Variants in SGCE observed in about 807,000 individuals in gnomAD.
SGCE encodes the protein epsilon-sarcoglycan.
Under a neutral mutation model 57.8 loss-of-function variants are expected in SGCE, and 26 were observed. The ratio of observed to expected loss-of-function variants is 0.45; its 90% CI spans 0.33 to 0.62. The LOEUF is 0.62. SGCE is among the 20% of genes least tolerant of loss of function. The probability of loss-of-function intolerance (pLI) is 0.02; values close to 1 mark genes in which losing one functional copy is unlikely to be tolerated. For synonymous variants in SGCE, 183 were observed against 189.5 expected, an observed-to-expected ratio of 0.97 and a Z score of 0.28; for missense variants, 468 against 548.6, an observed-to-expected ratio of 0.85 and a Z score of 1.47.
At chr7:94,644,529 ATAACT>A (rs1445693188) in intron 1 of SGCE, 7 of 528,514 alleles carry the variant, frequency 1.3e-5, no homozygotes, top group Admixed American at 9.0e-5. Context: ...ATAATAAATA[ATAACT>A]TATTCAGACA....
At chr7:94,610,969 G>A (rs770925460) in intron 5 of SGCE, among the ~76,000 whole-genome samples, 2 of 152,104 alleles carry the variant, frequency 1.3e-5, no homozygotes, top group African/African-American at 2.4e-5. Context: ...CTTTCACTAG[G>A]ATGGCTATAA....
At chr7:94,608,939 G>A (rs1273485607) in intron 5 of SGCE, among the ~76,000 whole-genome samples, 1 of 152,112 alleles carries the variant, frequency 6.6e-6, no homozygotes, top group Non-Finnish European at 1.5e-5. Flanking sequence ...AGGTCTACAT[G>A]CAAAATGCAA....
intron 1 of SGCE, among the ~76,000 whole-genome samples, chr7:94,635,684 A>T (rs971381070): frequency 6.6e-6 from 1 of 152,204 alleles, no homozygotes; most frequent in African/African-American, 2.4e-5. Flanking sequence ...AGTCAAATTG[A>T]AATTTAATTA....
chr7:94,641,377 T>A (rs1432831363), intron 1 of SGCE, among the ~76,000 whole-genome samples: 2 of 152,180 alleles, frequency 1.3e-5, no homozygotes, highest in South Asian at 2.1e-4. Flanking sequence ...AGCAAAAAGA[T>A]CAAATGATAG....
In SGCE at chr7:94,598,822, G is replaced by A. The variant is rs758680153; in HGVS notation, c.1206C>T (p.His402=). The A allele has an allele frequency of 2.5e-6, 4 of 1,613,348 alleles. No homozygotes were observed. The South Asian group carries it at 4.4e-5, about 18-fold the overall frequency. Residue 402 remains histidine, a synonymous_variant, in exon 9 of 11, where the codon CAC becomes CAT. Transcript: ENST00000648936. ...PVTGEIIPPL[H]TDNYDSTNMP... ...TGTTTGTGCTATCATAGTTGTCTGT[G>A]TGTAAAGGAGGTATGATTTCCCCAG...
At chr7:94,624,261 G>T in intron 3 of SGCE, 1 of 396,492 alleles carries the variant, frequency 2.5e-6, no homozygotes, top group Non-Finnish European at 4.4e-6. Context: ...TGAGACAAAA[G>T]AGTAGGATAA....
At chr7:94,619,016 C>A (rs1802362614) in intron 4 of SGCE, 60 bp from the exon 5 acceptor site, 2 of 1,221,184 alleles carry the variant, frequency 1.6e-6, no homozygotes, top group East Asian at 4.7e-5. Flanking sequence ...AAAAAGGAAA[C>A]AAAAGAACAA....
At chr7:94,631,694 G>T (rs1804754292) in intron 1 of SGCE, among the ~76,000 whole-genome samples, 1 of 151,730 alleles carries the variant, frequency 6.6e-6, no homozygotes, top group African/African-American at 2.4e-5. Context: ...TGGATCCTGG[G>T]GTAAATTTAA....
chr7:94,623,747 AC>A (rs1803212957), intron 3 of SGCE: 1 of 396,052 alleles, frequency 2.5e-6, no homozygotes, highest in South Asian at 1.3e-4. Flanking sequence ...CAAAAAAAAA[AC>A]AATAATTTTT....
At chr7:94,604,467 T>G (rs1431265542) in intron 5 of SGCE, among the ~76,000 whole-genome samples, 1 of 151,180 alleles carries the variant, frequency 6.6e-6, no homozygotes, top group Non-Finnish European at 1.5e-5. Flanking sequence ...TTTGGAAAAC[T>G]CACAATTCCC....
chr7:94,639,272 AAG>A (rs879352890), intron 1 of SGCE: 3 of 960,134 alleles, frequency 3.1e-6, no homozygotes, highest in Non-Finnish European at 4.7e-6. Flanking sequence ...TAAAAAAGGG[AAG>A]AGACTATTGG....
intron 10 of SGCE, chr7:94,586,953 A>C: frequency 2.1e-6 from 2 of 974,896 alleles, no homozygotes; most frequent in Non-Finnish European, 2.4e-6. Flanking sequence ...CCAAGAGGAG[A>C]TACTGTACTT....
chr7:94,599,070 G>T, intron 8 of SGCE, 107 bp from the exon 9 acceptor site: 2 of 787,178 alleles, frequency 2.5e-6, no homozygotes, highest in Non-Finnish European at 2.1e-6. Context: ...AAAATAATAA[G>T]ACATTATGGC....
intron 1 of SGCE, among the ~76,000 whole-genome samples, chr7:94,634,194 A>G (rs1325340981): frequency 1.3e-5 from 2 of 152,120 alleles, no homozygotes; most frequent in African/African-American, 2.4e-5. Context: ...TCATTTTCTA[A>G]TTTTTAAGGT....
chr7:94,598,587 T>C (rs2116670753), intron 9 of SGCE, 188 bp downstream of exon 9: 1 of 608,096 alleles, frequency 1.6e-6, no homozygotes, highest in Non-Finnish European at 2.9e-6. Flanking sequence ...GGAAAAAAAG[T>C]GCATTTCCTA....
intron 1 of SGCE, among the ~76,000 whole-genome samples, chr7:94,635,335 A>C (rs1158577676): frequency 6.6e-6 from 1 of 152,202 alleles, no homozygotes; most frequent in Non-Finnish European, 1.5e-5. Flanking sequence ...ATGATTAAGA[A>C]GGTTTTAAGG....
chr7:94,607,216 G>C (rs1800287317), intron 5 of SGCE, among the ~76,000 whole-genome samples: 1 of 152,064 alleles, frequency 6.6e-6, no homozygotes, highest in Non-Finnish European at 1.5e-5. Context: ...AATTCTACTA[G>C]ACATTTAAGG....
In SGCE at chr7:94,585,261, T is replaced by C; in HGVS notation, c.*238A>G. 1 of 458,260 alleles carries C rather than the reference T, an allele frequency of 2.2e-6. No homozygotes were observed. Among genetic ancestry groups the C allele is most frequent in the Non-Finnish European group, 3.9e-6 (1 of 257,218 alleles). 28.4% of individuals were successfully genotyped at this position (458,260 alleles called of 1,614,324 possible). ...AATAATATTTATTTTAAAGATCAAC[T>C]TTTATTGTAACAAATATAAAGTCAT... On this transcript the variant is annotated 3_prime_UTR_variant, in exon 11 of 11. Coordinates refer to ENST00000648936, the MANE Select transcript of SGCE (RefSeq NM_003919.3).
intron 5 of SGCE, chr7:94,617,435 A>G (rs1325746778): frequency 2.6e-5 from 4 of 152,208 alleles, no homozygotes; most frequent in Non-Finnish European, 5.9e-5. Flanking sequence ...TGTTTTAACA[A>G]TTGTGGAACA....
Sources: allele counts gnomAD v4.1 joint callset (sites outside exome capture counted in the v4.1 genomes callset), GRCh38; gene constraint gnomAD v4.1.1; transcripts MANE v1.5; gene names NCBI Gene and HGNC (gene_info 2026-07-23, HGNC 2026-07-21).